CDH13: variants seen among roughly 807,000 people sequenced by gnomAD.
CDH13 encodes cadherin-13.
In CDH13, 24 loss-of-function variants were observed where a neutral mutation model predicts 63.8. The ratio of observed to expected loss-of-function variants is 0.38; its 90% CI spans 0.27 to 0.53. The LOEUF (loss-of-function observed/expected upper bound fraction) is 0.53. Ranked by LOEUF, CDH13 falls within the 20% of genes least tolerant of loss-of-function variation. The pLI, the probability that CDH13 is intolerant of heterozygous loss-of-function variation, is 0.85. For synonymous variants in CDH13, 503 were observed against 355.3 expected (o/e 1.42, Z -4.67); for missense variants, 1,049 against 903.1 (o/e 1.16, Z -2.07).
intron 8 of CDH13, among the ~76,000 whole-genome samples, chr16:83,619,968 C>T (rs1282030383): frequency 6.6e-6 from 1 of 152,040 alleles, no homozygotes; most frequent in African/African-American, 2.4e-5. Flanking sequence ...CCCAGGGTGA[C>T]CAGAGCAACA....
chr16:83,501,901 C>G (rs1041242470), intron 7 of CDH13, among the ~76,000 whole-genome samples: 2 of 152,188 alleles, frequency 1.3e-5, no homozygotes, highest in Non-Finnish European at 2.9e-5. Flanking sequence ...TTGAGTTTCC[C>G]TCAGCTCTTC....
rs543462921 is a variant in CDH13, at chr16:83,700,724, G to A, written c.1538+22263G>A. 2.6e-5 allele frequency among the ~76,000 whole-genome samples: 4 copies of A among 152,274 alleles called. No individual in the cohort carries two copies. In the East Asian group the frequency reaches 5.8e-4, roughly 22 times the overall value. The stretch of plus-strand genomic sequence containing the variant: ...AACAAACATGGAGCAGCATAAAGAA[G>A]TAAATTAAAAATCACCTTTAATCCC... On this transcript the variant is annotated intron_variant, in intron 10 of 13. Transcript: ENST00000567109.
intron 1 of CDH13, among the ~76,000 whole-genome samples, chr16:82,776,356 G>C (rs533992670): frequency 6.6e-6 from 1 of 152,270 alleles, no homozygotes; most frequent in Admixed American, 6.5e-5. Flanking sequence ...GCTTTTGTGA[G>C]ACTATCAAGG....
At chr16:83,777,701 C>G (rs1295684546) in intron 11 of CDH13, among the ~76,000 whole-genome samples, 2 of 152,238 alleles carry the variant, frequency 1.3e-5, no homozygotes, top group Non-Finnish European at 2.9e-5. Context: ...CTCCTTGCTT[C>G]TTTGCTAGGA....
At chr16:83,151,221 G>C (rs2036966414) in intron 4 of CDH13, among the ~76,000 whole-genome samples, 2 of 152,186 alleles carry the variant, frequency 1.3e-5, no homozygotes, top group Non-Finnish European at 2.9e-5. Flanking sequence ...ACACATAATT[G>C]AACAGTGGTG....
chr16:83,217,844 A>C (rs535397830), intron 5 of CDH13, among the ~76,000 whole-genome samples: 2 of 152,322 alleles, frequency 1.3e-5, no homozygotes, highest in Non-Finnish European at 2.9e-5. Flanking sequence ...ATAAACCCCA[A>C]GACCTGATAT....
intron 7 of CDH13, among the ~76,000 whole-genome samples, chr16:83,549,367 C>T (rs1476629386): frequency 6.6e-6 from 1 of 152,194 alleles, no homozygotes; most frequent in Non-Finnish European, 1.5e-5. Flanking sequence ...AAAGGAGTTT[C>T]AGAAGAAAGT....
chr16:83,748,985 G>A (rs1362233696), intron 11 of CDH13, among the ~76,000 whole-genome samples: 1 of 152,192 alleles, frequency 6.6e-6, no homozygotes, highest in African/African-American at 2.4e-5. Context: ...GAGACTAGGA[G>A]GGGATGAGAA....
At chr16:82,856,494 G>C (rs948556767) in intron 1 of CDH13, among the ~76,000 whole-genome samples, 9 of 151,404 alleles carry the variant, frequency 5.9e-5, no homozygotes, top group African/African-American at 2.2e-4. Flanking sequence ...TTAAGCTCAG[G>C]AGTTTGAGAG....
At chr16:83,101,680 G>C (rs1440844800) in intron 3 of CDH13, among the ~76,000 whole-genome samples, 1 of 152,160 alleles carries the variant, frequency 6.6e-6, no homozygotes, top group South Asian at 2.1e-4. Context: ...TGTCATCCCA[G>C]CTACTGAGGA....
intron 1 of CDH13, among the ~76,000 whole-genome samples, chr16:82,652,776 C>T (rs1910878730): frequency 6.7e-6 from 1 of 149,356 alleles, no homozygotes; most frequent in Admixed American, 6.7e-5. Context: ...CTGACAATCT[C>T]TAGTGGACCT....
At chr16:83,435,845 T>C (rs997621081) in intron 6 of CDH13, among the ~76,000 whole-genome samples, 1 of 152,222 alleles carries the variant, frequency 6.6e-6, no homozygotes, top group Non-Finnish European at 1.5e-5. Context: ...CTCATTGTAT[T>C]GCAGACTCCG....
intron 2 of CDH13, among the ~76,000 whole-genome samples, chr16:82,995,049 A>G (rs768471350): frequency 1.3e-5 from 2 of 152,234 alleles, no homozygotes; most frequent in Non-Finnish European, 2.9e-5. Context: ...ACAAAGAGGC[A>G]TAAAGCAAGA....
chr16:83,757,800 G>C (rs887944577), intron 11 of CDH13, among the ~76,000 whole-genome samples: 1 of 151,976 alleles, frequency 6.6e-6, no homozygotes, highest in Admixed American at 6.6e-5. Context: ...GGACATAATG[G>C]ACAAGTTTCC....
At chr16:83,699,497 G>A (rs1411187939) in intron 10 of CDH13, among the ~76,000 whole-genome samples, 1 of 152,176 alleles carries the variant, frequency 6.6e-6, no homozygotes, top group East Asian at 1.9e-4. Context: ...ACTTTCCAGA[G>A]GTCACATCTG....
At chr16:82,682,680 G>A (rs1914671029) in intron 1 of CDH13, among the ~76,000 whole-genome samples, 1 of 152,330 alleles carries the variant, frequency 6.6e-6, no homozygotes, top group East Asian at 1.9e-4. Context: ...AAGGAGCAAG[G>A]TTGTATTCTT....
At chr16:82,817,392 A>C (rs1034004021) in intron 1 of CDH13, among the ~76,000 whole-genome samples, 4 of 152,166 alleles carry the variant, frequency 2.6e-5, no homozygotes, top group African/African-American at 9.7e-5. Context: ...AGCCCAGTGG[A>C]ATGTGTACTC....
intron 5 of CDH13, among the ~76,000 whole-genome samples, chr16:83,246,139 T>C (rs766338500): frequency 2.0e-5 from 3 of 152,238 alleles, no homozygotes; most frequent in South Asian, 2.1e-4. Context: ...TTATTAATTA[T>C]ATATTTGGAC....
chr16:82,863,041 C>G (rs1449296579), intron 2 of CDH13, among the ~76,000 whole-genome samples: 2 of 152,184 alleles, frequency 1.3e-5, no homozygotes, highest in Admixed American at 6.5e-5. Flanking sequence ...ATCATGTCGC[C>G]AACCTAACTG....
Sources: allele counts gnomAD v4.1 joint callset (sites outside exome capture counted in the v4.1 genomes callset), GRCh38; gene constraint gnomAD v4.1.1; transcripts MANE v1.5; gene names NCBI Gene and HGNC (gene_info 2026-07-23, HGNC 2026-07-21).